Variants in GARIN2 observed in about 807,000 individuals in gnomAD.
GARIN2 encodes the protein Golgi-associated RAB2 interactor protein 2.
At chr14:67,222,059 T>A in the GARIN2 span, 45 of 445,860 alleles carry the variant, frequency 1.0e-4, no homozygotes, top group Non-Finnish European at 1.6e-4. Flanking sequence ...TTTTCTGCAC[T>A]GGTTTAGTTT....
the GARIN2 span, among the ~76,000 whole-genome samples, chr14:67,225,529 G>A: frequency 6.6e-6 from 1 of 152,140 alleles, no homozygotes; most frequent in Non-Finnish European, 1.5e-5. Flanking sequence ...CTACCATAGC[G>A]ATTCTTCTCA....
the GARIN2 span, among the ~76,000 whole-genome samples, chr14:67,193,412 T>G: frequency 3.5e-5 from 5 of 141,854 alleles, no homozygotes; most frequent in Admixed American, 1.4e-4. Context: ...TATATATCTA[T>G]ATATCTATAT....
chr14:67,219,190 G>A, the GARIN2 span, among the ~76,000 whole-genome samples: 1 of 152,176 alleles, frequency 6.6e-6, no homozygotes. Context: ...CTAGGCTCAG[G>A]GCTTGTGATG....
At chr14:67,212,369 C>T in the GARIN2 span, among the ~76,000 whole-genome samples, 1 of 151,824 alleles carries the variant, frequency 6.6e-6, no homozygotes, top group Admixed American at 6.6e-5. Context: ...GGGCAGATCG[C>T]TCAAGCCAAG....
chr14:67,201,075 C>T, the GARIN2 span, among the ~76,000 whole-genome samples: 33 of 152,114 alleles, frequency 2.2e-4, no homozygotes, highest in Admixed American at 6.5e-4. Context: ...GCAGGAGGAT[C>T]GCTTGAGGCC....
chr14:67,197,496 C>G, the GARIN2 span: 1 of 152,104 alleles, frequency 6.6e-6, no homozygotes, highest in East Asian at 1.9e-4. Flanking sequence ...TTCTTTCTCT[C>G]TCCTGGAGAC....
the GARIN2 span, among the ~76,000 whole-genome samples, chr14:67,193,300 A>G: frequency 9.2e-5 from 12 of 129,982 alleles, no homozygotes; most frequent in Admixed American, 9.6e-4. Flanking sequence ...ACATCTATCT[A>G]TATATCTCTA....
At chr14:67,193,930 G>A in the GARIN2 span, among the ~76,000 whole-genome samples, 40 of 110,256 alleles carry the variant, frequency 3.6e-4, no homozygotes, top group Non-Finnish European at 4.1e-4. Context: ...GTGTGACAGA[G>A]CAAGACCCTG....
At chr14:67,199,535 A>G in the GARIN2 span, 3 of 1,610,986 alleles carry the variant, frequency 1.9e-6, no homozygotes, top group African/African-American at 1.3e-5. Context: ...AGTTGCAGCA[A>G]TTGAAGCCAT....
the GARIN2 span, among the ~76,000 whole-genome samples, chr14:67,213,328 C>T: frequency 8.6e-6 from 1 of 115,824 alleles, no homozygotes; most frequent in Non-Finnish European, 1.7e-5. Flanking sequence ...CCCCACCCCA[C>T]AACAGTCCCT....
chr14:67,192,713 A>T, the GARIN2 span, among the ~76,000 whole-genome samples: 14 of 149,394 alleles, frequency 9.4e-5, no homozygotes, highest in South Asian at 2.1e-4. Context: ...CTGCTGTTTT[A>T]AAAAAAAAAT....
chr14:67,208,335 C>T, the GARIN2 span: 11 of 1,613,928 alleles, frequency 6.8e-6, no homozygotes, highest in Admixed American at 1.7e-5. Context: ...TATTTTCAAA[C>T]TACCTTGACC....
the GARIN2 span, among the ~76,000 whole-genome samples, chr14:67,215,251 A>G: frequency 6.6e-6 from 1 of 152,322 alleles, no homozygotes; most frequent in East Asian, 1.9e-4. Context: ...CTCACCAGGA[A>G]TCTTCTAGGG....
chr14:67,204,469 A>G, the GARIN2 span: 1 of 1,467,744 alleles, frequency 6.8e-7, no homozygotes, highest in Non-Finnish European at 9.0e-7. Context: ...ATATATATAT[A>G]TAAGAAAGGC....
chr14:67,213,455 A>G, the GARIN2 span, among the ~76,000 whole-genome samples: 19 of 148,392 alleles, frequency 1.3e-4, no homozygotes, highest in Admixed American at 6.8e-5. Context: ...GAGAATGATG[A>G]TTTCCAATTT....
chr14:67,206,612 G>A, the GARIN2 span, among the ~76,000 whole-genome samples: 16 of 152,166 alleles, frequency 1.1e-4, no homozygotes, highest in Non-Finnish European at 1.6e-4. Context: ...AGTGAAAAAG[G>A]TAGGAGACAG....
At chr14:67,228,251 T>C in the GARIN2 span, 1 of 174,226 alleles carries the variant, frequency 5.7e-6, no homozygotes, top group Admixed American at 6.5e-5. Context: ...ATCCAAAGGA[T>C]CTTTATTTTT....
the GARIN2 span, among the ~76,000 whole-genome samples, chr14:67,207,808 C>A: frequency 6.6e-6 from 1 of 152,132 alleles, no homozygotes; most frequent in Non-Finnish European, 1.5e-5. Context: ...ATATTATGAG[C>A]CCCCAGCCCC....
chr14:67,201,223 G>C, the GARIN2 span, among the ~76,000 whole-genome samples: 1 of 152,302 alleles, frequency 6.6e-6, no homozygotes, highest in Non-Finnish European at 1.5e-5. Flanking sequence ...AAGCCCAGGA[G>C]CTCCAGGCTG....
Sources: allele counts gnomAD v4.1 joint callset (sites outside exome capture counted in the v4.1 genomes callset), GRCh38; gene constraint gnomAD v4.1.1; transcripts MANE v1.5; gene names NCBI Gene and HGNC (gene_info 2026-07-23, HGNC 2026-07-21).